The following ECT2 variants were observed in gnomAD, a reference collection of about 807,000 sequenced individuals.
The protein encoded by ECT2 is epithelial cell transforming 2, also known as protein ECT2.
In ECT2, 61 loss-of-function variants were observed where a neutral mutation model predicts 116.9. The ratio of observed to expected loss-of-function variants is 0.52; its 90% confidence interval spans 0.42 to 0.65. The LOEUF is 0.65. Ranked by LOEUF, ECT2 falls within the 30% of genes least tolerant of loss-of-function variation. The probability of loss-of-function intolerance (pLI) is 0.00; values close to 1 mark genes in which losing one functional copy is unlikely to be tolerated. For missense variants in ECT2, 937 were observed against 1,078.7 expected, an observed-to-expected ratio of 0.87 and a Z score of 1.84; for synonymous variants, 358 against 346.4, an observed-to-expected ratio of 1.03 and a Z score of -0.37.
chr3:172,823,540 G>A (rs1005861574), downstream of ECT2, among the ~76,000 whole-genome samples: 3 of 152,100 alleles, frequency 2.0e-5, no homozygotes, highest in Middle Eastern at 3.2e-3. Context: ...TCCATGGAGG[G>A]AAGTTTAGTA....
At chr3:172,807,575 T>C in intron 21 of ECT2, 195 bp from the exon 22 acceptor site, 2 of 506,392 alleles carry the variant, frequency 3.9e-6, no homozygotes, top group East Asian at 5.9e-5. Flanking sequence ...CCTTACGTGG[T>C]ATACTATATT....
chr3:172,767,323 C>T (rs1719645648), intron 12 of ECT2, among the ~76,000 whole-genome samples: 1 of 152,014 alleles, frequency 6.6e-6, no homozygotes, highest in African/African-American at 2.4e-5. Context: ...CGCCTGTAAT[C>T]CCAGCTACTC....
chr3:172,777,001 A>G (rs1312350660), intron 14 of ECT2, among the ~76,000 whole-genome samples: 1 of 151,528 alleles, frequency 6.6e-6, no homozygotes, highest in African/African-American at 2.4e-5. Context: ...TAGCCTCCCT[A>G]GTAGCTGGGA....
intron 18 of ECT2, among the ~76,000 whole-genome samples, 179 bp from the exon 19 acceptor site, chr3:172,802,437 A>T (rs923207473): frequency 6.6e-6 from 1 of 151,998 alleles, no homozygotes; most frequent in Admixed American, 6.6e-5. Context: ...TGTTTTCCTC[A>T]TCCTGGGCTC....
intron 14 of ECT2, 91 bp downstream of exon 14, chr3:172,774,113 G>T: frequency 7.9e-7 from 1 of 1,268,902 alleles, no homozygotes; most frequent in Non-Finnish European, 1.1e-6. Context: ...AGCTAAATAA[G>T]TTTTGTACCT....
chr3:172,774,898 A>G (rs1258049804), intron 14 of ECT2, among the ~76,000 whole-genome samples: 2 of 151,930 alleles, frequency 1.3e-5, no homozygotes, highest in African/African-American at 2.4e-5. Flanking sequence ...TCCCAGTACT[A>G]TTTTTCTTAT....
chr3:172,796,382 G>GTAAACA (rs1725647490), intron 18 of ECT2: 1 of 152,180 alleles, frequency 6.6e-6, no homozygotes, highest in Non-Finnish European at 1.5e-5. Context: ...TTTACAACGA[G>GTAAACA]TTTTACTTGA....
chr3:172,777,731 G>A (rs28601884), intron 14 of ECT2, among the ~76,000 whole-genome samples: 1 of 151,944 alleles, frequency 6.6e-6, no homozygotes, highest in Admixed American at 6.6e-5. Flanking sequence ...AAACCCCATC[G>A]CTACAAAAAA....
chr3:172,781,570 T>G (rs1722703279), intron 14 of ECT2, among the ~76,000 whole-genome samples: 1 of 152,202 alleles, frequency 6.6e-6, no homozygotes. Context: ...TCTGATTTGT[T>G]TGTTTATTAT....
rs1171108852 is a variant in ECT2 at position 172,808,351 on chromosome 3, C to A, written c.2400+427C>A. On this transcript the variant is annotated intron_variant, in intron 22 of 24. Coordinates refer to ENST00000392692, the MANE Select transcript of ECT2 (RefSeq NM_001258315.2). ...TTGGCCTCCCAAAATGCTAGGATTA[C>A]AGGCGTGAGCCACCGTGCCTGGCCA... is the stretch of plus-strand genomic sequence containing the variant. 2.7e-5 allele frequency among the ~76,000 whole-genome samples: 4 copies of A among 148,816 alleles called. No individual in the cohort carries two copies. The Admixed American group carries it at 2.7e-4, about 10-fold the overall frequency.
rs777654187 is a variant in ECT2, at chr3:172,762,963, A to T, written c.1059A>T (p.Leu353Phe). ...CCCGAGCTGGAGAAACTATGTATTTATATGAAAAGGTATGCTTTTAACCCC... is the reference window on the plus strand; with the variant it reads ...CCCGAGCTGGAGAAACTATGTATTTTTATGAAAAGGTATGCTTTTAACCCC... ...MDARAGETMY[L>F]YEKANTPELK... Residue 353 changes from leucine to phenylalanine, a missense_variant, in exon 11 of 25, where the codon TTA becomes TTT. Physicochemically the swap from Leu to Phe is conservative, Grantham distance 22. Transcript: ENST00000392692. The T allele has an allele frequency of 1.9e-6, 3 of 1,613,704 alleles. No individual in the cohort carries two copies. Among genetic ancestry groups the T allele is most frequent in the South Asian group, 2.2e-5 (2 of 91,066 alleles).
At chr3:172,774,066 G>A (rs781640977) in intron 14 of ECT2, 44 bp downstream of exon 14, 4 of 1,575,178 alleles carry the variant, frequency 2.5e-6, no homozygotes, top group South Asian at 2.2e-5. Flanking sequence ...TTTTCAGATT[G>A]TACATATTTA....
chr3:172,767,230 C>A (rs1159136824), intron 12 of ECT2, among the ~76,000 whole-genome samples: 1 of 152,174 alleles, frequency 6.6e-6, no homozygotes, highest in Admixed American at 6.5e-5. Flanking sequence ...ATCACGAGTT[C>A]AGGAGTTCGA....
chr3:172,816,549 G>A, intron 23 of ECT2, 142 bp from the exon 24 acceptor site: 2 of 576,810 alleles, frequency 3.5e-6, no homozygotes, highest in Non-Finnish European at 5.6e-6. Flanking sequence ...TTTCCTCACT[G>A]TTTTGTGCCA....
At chr3:172,820,032 C>G in intron 24 of ECT2, 116 bp from the exon 25 acceptor site, 1 of 653,348 alleles carries the variant, frequency 1.5e-6, no homozygotes, top group East Asian at 3.0e-5. Context: ...ATGTCTTGTA[C>G]TTAATTGTTA....
At chr3:172,791,315 A>T (rs1427567072) in intron 18 of ECT2, among the ~76,000 whole-genome samples, 1 of 152,238 alleles carries the variant, frequency 6.6e-6, no homozygotes, top group African/African-American at 2.4e-5. Context: ...CACCAGCTGC[A>T]TTAGCCCCTA....
rs769025426 is a variant in ECT2 at position 172,818,692 on chromosome 3, A to T, written c.2656-1456A>T. ...TGCTTTCCGAGCTAGTTTTTCAGAG[A>T]TACTAGAAGGAAATACTGATTTTTC... On this transcript the variant is annotated intron_variant, in intron 24 of 24. Coordinates refer to ENST00000392692, the MANE Select transcript of ECT2 (RefSeq NM_001258315.2). 2.7e-5 allele frequency: 35 copies of T among 1,289,050 alleles called. No individual in the cohort carries two copies. The Admixed American group carries it at 7.8e-4, about 29-fold the overall frequency. The allele number at this position is 1,289,050 out of a possible 1,614,324, so 79.9% of individuals were successfully genotyped here. A position where few individuals can be genotyped will look rare whatever the true frequency, so the allele number is the denominator to read the frequency against.
At chr3:172,789,545 C>T (rs376226064) in intron 18 of ECT2, among the ~76,000 whole-genome samples, 3 of 152,150 alleles carry the variant, frequency 2.0e-5, no homozygotes, top group East Asian at 1.9e-4. Flanking sequence ...TTGGCCATAT[C>T]AGTTGACTTT....
intron 22 of ECT2, among the ~76,000 whole-genome samples, chr3:172,811,368 T>C (rs2109231144): frequency 6.6e-6 from 1 of 152,334 alleles, no homozygotes; most frequent in South Asian, 2.1e-4. Context: ...TACTTCATAT[T>C]TGTATCTTAG....
Sources: allele counts gnomAD v4.1 joint callset (sites outside exome capture counted in the v4.1 genomes callset), GRCh38; gene constraint gnomAD v4.1.1; transcripts MANE v1.5; gene names NCBI Gene and HGNC (gene_info 2026-07-23, HGNC 2026-07-21).